Variants in WDR93 observed in about 807,000 individuals in gnomAD.
WDR93 encodes the protein WD repeat domain 93, also known as WD repeat-containing protein 93.
In WDR93, 73 loss-of-function variants were observed where a neutral mutation model predicts 82.9. The ratio of observed to expected loss-of-function variants is 0.88; its 90% CI spans 0.73 to 1.07. WDR93 has a LOEUF of 1.07. Among genes scored for constraint, WDR93 ranks in the 50% least tolerant of loss-of-function variants. The pLI, the probability that WDR93 is intolerant of heterozygous loss-of-function variation, is 0.00. For missense variants in WDR93, 738 were observed against 826.0 expected (o/e 0.89, Z 1.31); for synonymous variants, 283 against 300.1 (o/e 0.94, Z 0.59).
chr15:89,708,030 C>A (rs1420221562), intron 4 of WDR93, among the ~76,000 whole-genome samples: 1 of 152,106 alleles, frequency 6.6e-6, no homozygotes, highest in African/African-American at 2.4e-5. Context: ...TGAAAGAAGT[C>A]AGATAAAAAT....
intron 1 of WDR93, among the ~76,000 whole-genome samples, chr15:89,693,705 A>G (rs1351610063): frequency 6.6e-6 from 1 of 152,248 alleles, no homozygotes; most frequent in Non-Finnish European, 1.5e-5. Context: ...CACCAGACCC[A>G]GGGTTTCTGT....
At chr15:89,713,991 GAAC>G (rs1966125293) in intron 5 of WDR93, among the ~76,000 whole-genome samples, 1 of 152,200 alleles carries the variant, frequency 6.6e-6, no homozygotes, top group South Asian at 2.1e-4. Flanking sequence ...TACCATGGGA[GAAC>G]AACCTTTCCT....
upstream of WDR93, chr15:89,690,810 C>A: frequency 5.3e-6 from 3 of 563,046 alleles, no homozygotes; most frequent in Non-Finnish European, 6.3e-6. Context: ...ACTTCCGGTT[C>A]AAGCCGGAAG....
At chr15:89,694,096 G>A (rs979643135) in intron 1 of WDR93, among the ~76,000 whole-genome samples, 11 of 152,068 alleles carry the variant, frequency 7.2e-5, no homozygotes, top group African/African-American at 1.9e-4. Flanking sequence ...TTTAATATAC[G>A]TGTAGTGGTA....
At chr15:89,735,625 C>T (rs1967106103) in intron 14 of WDR93, 72 bp downstream of exon 14, 1 of 1,502,338 alleles carries the variant, frequency 6.7e-7, no homozygotes, top group Admixed American at 1.7e-5. Flanking sequence ...TTCATCTGTC[C>T]TTTAGAAAAT....
chr15:89,743,142 C>CCT, intron 16 of WDR93, 150 bp from the exon 17 acceptor site: 1 of 704,708 alleles, frequency 1.4e-6, no homozygotes, highest in South Asian at 1.8e-5. Flanking sequence ...CTGCTGTGTA[C>CCT]CAGGCTGAGC....
intron 1 of WDR93, among the ~76,000 whole-genome samples, chr15:89,691,547 G>A (rs1236849634): frequency 1.3e-5 from 2 of 152,054 alleles, no homozygotes; most frequent in African/African-American, 2.4e-5. Context: ...GTGAAACCCC[G>A]TCTCTACTAA....
At chr15:89,737,073 G>C (rs1017191061) in intron 14 of WDR93, among the ~76,000 whole-genome samples, 1 of 152,344 alleles carries the variant, frequency 6.6e-6, no homozygotes, top group South Asian at 2.1e-4. Flanking sequence ...TTACAGGCAT[G>C]AGCCATCGCG....
intron 4 of WDR93, 66 bp downstream of exon 4, chr15:89,705,684 A>G (rs1965697201): frequency 9.6e-7 from 1 of 1,038,390 alleles, no homozygotes; most frequent in Admixed American, 1.8e-5. Context: ...TATTTTTAAT[A>G]TGGAAGCAAT....
intron 3 of WDR93, chr15:89,703,712 T>C (rs1965585505): frequency 6.5e-6 from 1 of 153,418 alleles, no homozygotes; most frequent in Non-Finnish European, 1.5e-5. Context: ...TTTCCTACTT[T>C]GTGGAGGATG....
chr15:89,703,238 T>G (rs1965560114), intron 3 of WDR93, 96 bp downstream of exon 3: 2 of 1,304,578 alleles, frequency 1.5e-6, no homozygotes, highest in African/African-American at 2.9e-5. Context: ...GGGCCAGGCA[T>G]GGAGACTTCT....
At chr15:89,733,271 T>A (rs1420103220) in intron 13 of WDR93, 52 bp downstream of exon 13, 1 of 1,550,158 alleles carries the variant, frequency 6.5e-7, no homozygotes, top group East Asian at 2.3e-5. Context: ...ATTATTTTAA[T>A]TGCTATTTGA....
chr15:89,690,599 G>T, upstream of WDR93: 2 of 1,551,416 alleles, frequency 1.3e-6, no homozygotes, highest in Non-Finnish European at 8.7e-7. Flanking sequence ...TCCCGGCCCT[G>T]GGTCTGGTTG....
In WDR93 at chr15:89,722,126, T is replaced by C; in HGVS notation, c.867T>C (p.Pro289=). 1 of 1,604,824 alleles carries C rather than the reference T, an allele frequency of 6.2e-7. No homozygotes were observed. Among genetic ancestry groups the C allele is most frequent in the Non-Finnish European group, 8.5e-7 (1 of 1,175,704 alleles). The change falls in exon 8 of 17, where the codon CCT becomes CCC. Residue 289 remains proline, a synonymous_variant. Coordinates refer to ENST00000268130, the MANE Select transcript of WDR93 (RefSeq NM_020212.2). ...TTTACATAATGAAGATCAAACCACCTAAGCCTGTTACAGGTAAGTGTGATT... is the reference window on the plus strand; with the variant it reads ...TTTACATAATGAAGATCAAACCACCCAAGCCTGTTACAGGTAAGTGTGATT... The part of the protein sequence containing the change: ...LPVYIMKIKP[P]KPVTGTTFKS...
intron 13 of WDR93, 87 bp from the exon 14 acceptor site, chr15:89,735,402 AT>A: frequency 7.3e-7 from 1 of 1,372,834 alleles, no homozygotes; most frequent in East Asian, 2.3e-5. Flanking sequence ...ATTTCTCTGA[AT>A]TTCTCCAGGA....
chr15:89,697,910 C>G (rs1965263601), intron 1 of WDR93, among the ~76,000 whole-genome samples: 1 of 142,748 alleles, frequency 7.0e-6, no homozygotes. Context: ...GACGGAGTCT[C>G]TCTCTGTCGC....
chr15:89,737,545 C>A, intron 14 of WDR93, 28 bp from the exon 15 acceptor site: 1 of 1,613,536 alleles, frequency 6.2e-7, no homozygotes, highest in South Asian at 1.1e-5. Context: ...CCAGTAGAAG[C>A]CCCCCTCACC....
intron 1 of WDR93, among the ~76,000 whole-genome samples, chr15:89,694,220 C>T (rs1461200173): frequency 1.3e-5 from 2 of 149,706 alleles, no homozygotes; most frequent in South Asian, 2.1e-4. Flanking sequence ...AAATTTTTTG[C>T]ACATATTTAA....
At chr15:89,696,754 C>T (rs149265501) in intron 1 of WDR93, among the ~76,000 whole-genome samples, 111 of 152,252 alleles carry the variant, frequency 7.3e-4, no homozygotes, top group African/African-American at 2.2e-3. Context: ...CTTGGCCTCC[C>T]AAAGTGCTCG....
Sources: allele counts gnomAD v4.1 joint callset (sites outside exome capture counted in the v4.1 genomes callset), GRCh38; gene constraint gnomAD v4.1.1; transcripts MANE v1.5; gene names NCBI Gene and HGNC (gene_info 2026-07-23, HGNC 2026-07-21).